Variants in CLVS1 observed in about 807,000 individuals in gnomAD.
CLVS1 encodes the protein clavesin-1.
In CLVS1, 10 loss-of-function variants were observed where a neutral mutation model predicts 33.1. The ratio of observed to expected loss-of-function variants is 0.30; its 90% CI spans 0.19 to 0.51. The LOEUF is 0.51. Ranked by LOEUF, CLVS1 falls within the 20% of genes least tolerant of loss-of-function variation. The pLI is 0.97. For missense variants in CLVS1, 343 were observed against 433.4 expected (o/e 0.79, Z 1.85); for synonymous variants, 163 against 166.1 (o/e 0.98, Z 0.14).
intron 2 of CLVS1, among the ~76,000 whole-genome samples, chr8:61,320,291 A>G (rs955934174): frequency 2.6e-5 from 4 of 151,586 alleles, no homozygotes; most frequent in African/African-American, 9.7e-5. Flanking sequence ...TCTTTTTGCT[A>G]TTTATGTGCT....
At chr8:61,104,034 T>C (rs1041569521) in intron 1 of CLVS1, among the ~76,000 whole-genome samples, 2 of 152,238 alleles carry the variant, frequency 1.3e-5, no homozygotes, top group African/African-American at 4.8e-5. Context: ...CTTTTATCTG[T>C]TGTTCACTTT....
At chr8:61,438,864 G>A (rs1395542770) in intron 3 of CLVS1, among the ~76,000 whole-genome samples, 1 of 152,164 alleles carries the variant, frequency 6.6e-6, no homozygotes, top group African/African-American at 2.4e-5. Flanking sequence ...GAGATAATAT[G>A]TATAAAAGTG....
At chr8:61,431,622 C>A (rs1338322163) in intron 3 of CLVS1, among the ~76,000 whole-genome samples, 1 of 152,006 alleles carries the variant, frequency 6.6e-6, no homozygotes, top group African/African-American at 2.4e-5. Flanking sequence ...TTCTTTTTTT[C>A]TTTCATTCTT....
At chr8:61,470,376 A>G (rs1563567587) in intron 5 of CLVS1, among the ~76,000 whole-genome samples, 2 of 152,250 alleles carry the variant, frequency 1.3e-5, no homozygotes, top group Admixed American at 1.3e-4. Flanking sequence ...GACAAAAGAA[A>G]TAGAGTTGAA....
intron 1 of CLVS1, among the ~76,000 whole-genome samples, chr8:61,101,048 A>T (rs1001634244): frequency 1.3e-5 from 2 of 152,140 alleles, no homozygotes; most frequent in African/African-American, 4.8e-5. Flanking sequence ...GTGTTCACAT[A>T]TTTTTATGTA....
the CLVS1 span, among the ~76,000 whole-genome samples, chr8:61,030,466 C>T: frequency 2.0e-5 from 3 of 152,142 alleles, no homozygotes; most frequent in Non-Finnish European, 2.9e-5. Context: ...GAAATAAAGG[C>T]GACTGCATCT....
chr8:61,299,289 C>A (rs1810341465), intron 1 of CLVS1, among the ~76,000 whole-genome samples: 1 of 152,146 alleles, frequency 6.6e-6, no homozygotes, highest in South Asian at 2.1e-4. Context: ...GCTATAATTT[C>A]TCTGCCATAT....
chr8:61,451,150 T>C (rs1020503939), intron 3 of CLVS1, among the ~76,000 whole-genome samples: 1 of 152,110 alleles, frequency 6.6e-6, no homozygotes, highest in Admixed American at 6.6e-5. Flanking sequence ...AATCAATCTT[T>C]ACTGTTTAAA....
chr8:61,378,718 A>G (rs1813748563), intron 3 of CLVS1, among the ~76,000 whole-genome samples: 1 of 152,184 alleles, frequency 6.6e-6, no homozygotes, highest in Non-Finnish European at 1.5e-5. Context: ...ACTGAAGACA[A>G]TTCTGCTCTT....
chr8:61,115,363 T>TTA (rs1554536327), intron 1 of CLVS1, among the ~76,000 whole-genome samples: 2 of 149,358 alleles, frequency 1.3e-5, no homozygotes, highest in African/African-American at 5.0e-5. Flanking sequence ...TTATTTTTAT[T>TTA]TTTATTTATT....
At chr8:60,985,088 T>G in the CLVS1 span, among the ~76,000 whole-genome samples, 1 of 152,214 alleles carries the variant, frequency 6.6e-6, no homozygotes, top group African/African-American at 2.4e-5. Context: ...GAAGGAAGAT[T>G]TCGGACCAAC....
Position 61,300,008 on chromosome 8 carries a change from A to G in CLVS1, c.181A>G (p.Ile61Val). The change falls in exon 2 of 6, where the codon ATC becomes GTC. Residue 61 changes from isoleucine (I) to valine (V), a missense_variant. Transcript: ENST00000325897. ...TATTCAGCAAGTCAGGGACATGATC[A>G]TCACCAGGCCTGACATTGGATTTTT... is the stretch of plus-strand genomic sequence containing the variant. ...QDIQQVRDMIITRPDIGFLRT... is the reference protein window; with the variant it reads ...QDIQQVRDMIVTRPDIGFLRT... The G allele has an allele frequency of 6.2e-7, 1 of 1,614,080 alleles. No homozygotes were observed. The highest frequency in any genetic ancestry group is 1.7e-5 in the Admixed American group (1 of 59,986).
At chr8:61,493,518 C>T (rs1249121112) in intron 5 of CLVS1, among the ~76,000 whole-genome samples, 1 of 152,182 alleles carries the variant, frequency 6.6e-6, no homozygotes, top group Non-Finnish European at 1.5e-5. Flanking sequence ...TTCATTTTTA[C>T]ACATGAGGAG....
At chr8:61,169,750 C>G (rs1806955189) in intron 2 of CLVS1, among the ~76,000 whole-genome samples, 1 of 151,914 alleles carries the variant, frequency 6.6e-6, no homozygotes, top group Non-Finnish European at 1.5e-5. Flanking sequence ...GTGTTTAAGC[C>G]TCAACCATCT....
At chr8:61,232,034 T>TTTG (rs1808452048) in intron 2 of CLVS1, among the ~76,000 whole-genome samples, 1 of 133,036 alleles carries the variant, frequency 7.5e-6, no homozygotes, top group Non-Finnish European at 1.5e-5. Flanking sequence ...TTTTTTTTTT[T>TTTG]TTTTTTTTTT....
chr8:61,079,599 C>T lies in CLVS1; in HGVS notation c.-243+22369C>T, dbSNP rs1241185212. Among the ~76,000 whole-genome samples, 4 of 152,304 alleles carry T rather than the reference C, an allele frequency of 2.6e-5. No homozygotes were observed. In the South Asian group the frequency reaches 6.2e-4, roughly 24 times the overall value. On this transcript the variant is annotated intron_variant, in intron 1 of 2. Transcript: ENST00000522621. ...CCCAAGTCAAATGAATCTCAATTAC[C>T]TGTGACTTTCAGCGTGCCCTGCATA...
intron 2 of CLVS1, among the ~76,000 whole-genome samples, chr8:61,180,678 G>T (rs910311225): frequency 6.6e-6 from 1 of 152,158 alleles, no homozygotes; most frequent in Non-Finnish European, 1.5e-5. Flanking sequence ...CGCAAGTCTG[G>T]TTCAACATAT....
chr8:61,461,516 C>G (rs1817364997), intron 5 of CLVS1, among the ~76,000 whole-genome samples: 1 of 152,102 alleles, frequency 6.6e-6, no homozygotes, highest in African/African-American at 2.4e-5. Context: ...TTTTGAACTC[C>G]ATGCATAATT....
At chr8:60,991,110 C>T in the CLVS1 span, among the ~76,000 whole-genome samples, 1 of 152,106 alleles carries the variant, frequency 6.6e-6, no homozygotes, top group Non-Finnish European at 1.5e-5. Flanking sequence ...AAAGGAAAGA[C>T]CTACATTGGT....
Sources: gnomAD v4.1 joint callset for allele counts (sites outside exome capture counted in the v4.1 genomes callset) on GRCh38, gnomAD v4.1.1 for gene constraint, MANE v1.5 for transcripts, NCBI Gene and HGNC (gene_info 2026-07-23, HGNC 2026-07-21) for gene names.